Variants in NKIRAS2 observed in about 807,000 individuals in gnomAD.
NKIRAS2 encodes the protein NF-kappa-B inhibitor-interacting Ras-like protein 2.
NKIRAS2 carries 15 observed loss-of-function variants against 20.7 expected under a neutral mutation model. The ratio of observed to expected loss-of-function variants is 0.73; its 90% CI spans 0.49 to 1.12. The LOEUF is 1.12. Among genes scored for constraint, NKIRAS2 ranks in the 50% most tolerant of loss-of-function variants. The pLI is 0.00. For missense variants in NKIRAS2, 196 were observed against 249.6 expected (o/e 0.79, Z 1.45); for synonymous variants, 116 against 101.4 (o/e 1.14, Z -0.87).
chr17:42,018,432 A>G (rs2052364885), upstream of NKIRAS2: 1 of 152,170 alleles, frequency 6.6e-6, no homozygotes, highest in South Asian at 2.1e-4. Context: ...TTTTAAAAGG[A>G]TTTACCTGTT....
upstream of NKIRAS2, among the ~76,000 whole-genome samples, chr17:42,019,010 C>A: frequency 6.6e-6 from 1 of 152,244 alleles, no homozygotes; most frequent in East Asian, 1.9e-4. Flanking sequence ...CATTCTCACT[C>A]TTGGCTTCCA....
At position 42,022,582 on chromosome 17, in the gene NKIRAS2, CTT is replaced by C. The variant is rs2052482653; in HGVS notation, c.281_282del (p.Phe94SerfsTer11). ...GTCTATAGCACAGATAGCAGAGAGT[CTT>C]TTCAGCGTGTGGAGCTGCTCAAGAA... On this transcript the variant is annotated frameshift_variant, in exon 3 of 4. Coordinates refer to ENST00000393885, the MANE Select transcript of NKIRAS2 (RefSeq NM_017595.6). LOFTEE classifies it high-confidence loss of function. The C allele has an allele frequency of 6.2e-6, 10 of 1,614,082 alleles. No individual in the cohort carries two copies. Among genetic ancestry groups the C allele is most frequent in the Non-Finnish European group, 8.5e-6 (10 of 1,180,000 alleles).
intron 3 of NKIRAS2, among the ~76,000 whole-genome samples, chr17:42,023,448 T>G (rs1310454808): frequency 1.3e-5 from 2 of 152,146 alleles, no homozygotes; most frequent in Admixed American, 1.3e-4. Flanking sequence ...AAAGGAGGGC[T>G]AGATGGAGGC....
In NKIRAS2 at chr17:42,022,501, G is replaced by A. The variant is rs374663497; in HGVS notation, c.197G>A (p.Arg66Gln). 5.6e-6 allele frequency: 9 copies of A among 1,613,956 alleles called. No individual in the cohort carries two copies. The highest frequency in any genetic ancestry group is 5.9e-6 in the Non-Finnish European group (7 of 1,179,952). The change falls in exon 3 of 4, where the codon CGA becomes CAA. Residue 66 changes from arginine (R) to glutamine (Q), a missense_variant. Transcript: ENST00000393885. ...QVRFYDTRGL[R>Q]DGAELPRHCF... ...CGTTTCTATGACACCCGGGGGCTCC[G>A]AGATGGGGCCGAACTGCCCCGACAC... is the stretch of plus-strand genomic sequence containing the variant.
intron 1 of NKIRAS2, chr17:42,020,834 C>T (rs2052427471): frequency 6.6e-6 from 1 of 152,312 alleles, no homozygotes; most frequent in South Asian, 2.1e-4. Flanking sequence ...CTCCTGGATT[C>T]AAGCGATTCT....
chr17:42,019,131 G>T (rs1163186039), upstream of NKIRAS2, among the ~76,000 whole-genome samples: 1 of 152,058 alleles, frequency 6.6e-6, no homozygotes, highest in Non-Finnish European at 1.5e-5. Flanking sequence ...GAATAGGCTG[G>T]GTGTGGTGGC....
intron 3 of NKIRAS2, 48 bp downstream of exon 3, chr17:42,022,688 G>A: frequency 6.3e-7 from 1 of 1,575,164 alleles, no homozygotes. Context: ...CAGAGAGTTT[G>A]GGCGGAGGGC....
upstream of NKIRAS2, chr17:42,017,719 A>T (rs940348642): frequency 1.4e-5 from 7 of 506,694 alleles, no homozygotes; most frequent in South Asian, 1.3e-4. Context: ...GTATTCCAAG[A>T]GCCTCATTGC....
At chr17:42,023,450 G>A (rs1231570753) in intron 3 of NKIRAS2, among the ~76,000 whole-genome samples, 1 of 152,220 alleles carries the variant, frequency 6.6e-6, no homozygotes, top group Non-Finnish European at 1.5e-5. Context: ...AGGAGGGCTA[G>A]ATGGAGGCCA....
intron 2 of NKIRAS2, 178 bp from the exon 3 acceptor site, chr17:42,022,221 G>A (rs116405714): frequency 3.0e-6 from 2 of 656,360 alleles, no homozygotes; most frequent in African/African-American, 1.8e-5. Flanking sequence ...AAAAAAGAAA[G>A]AAATTAATGT....
In NKIRAS2 at chr17:42,022,993, TTTTGTTTGTTTG is replaced by T. The variant is rs34613358; in HGVS notation, c.336+370_336+381del. The T allele has an allele frequency of 6.8e-4, 195 of 287,990 alleles. 4 individuals are homozygous for T. Among genetic ancestry groups the T allele is most frequent in the South Asian group, 6.1e-3 (192 of 31,424 alleles). The allele number at this position is 287,990 out of a possible 1,614,324, so 17.8% of individuals were successfully genotyped here. On this transcript the variant is annotated intron_variant, in intron 3 of 3. Coordinates refer to ENST00000393885, the MANE Select transcript of NKIRAS2 (RefSeq NM_017595.6). ...GTGCTTTTAGCTATGAAAGCCCTTCTTTTGTTTGTTTGTTTGTTTGTTTGTTTGAGACAGGGT... is the reference window on the plus strand; with the variant it reads ...GTGCTTTTAGCTATGAAAGCCCTTCTTTTGTTTGTTTGTTTGAGACAGGGT...
At chr17:42,017,906 C>T (rs1555652274), upstream of NKIRAS2, among the ~76,000 whole-genome samples, 1 of 152,118 alleles carries the variant, frequency 6.6e-6, no homozygotes, top group African/African-American at 2.4e-5. Context: ...GAGCTCAGTT[C>T]CCCCAGCTTT....
chr17:42,021,697 C>T, intron 2 of NKIRAS2, 26 bp downstream of exon 2: 2 of 1,590,738 alleles, frequency 1.3e-6, no homozygotes, highest in Non-Finnish European at 1.7e-6. Flanking sequence ...GGGGGAGGAA[C>T]AGTGGAAGAA....
At position 42,021,974 on chromosome 17, in the gene NKIRAS2, C is replaced by T. The variant is rs1281822146; in HGVS notation, c.94+303C>T. On this transcript the variant is annotated intron_variant, in intron 2 of 3. Coordinates refer to ENST00000393885, the MANE Select transcript of NKIRAS2 (RefSeq NM_017595.6). Reference sequence around the variant, plus strand: ...CCTGTAATCCGAGCACTTTGGGAGGCTGAGGCGGGTGGATCACCTCAGGTC... The same window carrying T: ...CCTGTAATCCGAGCACTTTGGGAGGTTGAGGCGGGTGGATCACCTCAGGTC... 8 of 591,904 alleles carry T rather than the reference C, an allele frequency of 1.4e-5. No individual in the cohort carries two copies. The Admixed American group carries it at 1.5e-4, about 11-fold the overall frequency. The allele number at this position is 591,904 out of a possible 1,614,324, so 36.7% of individuals were successfully genotyped here. A position where few individuals can be genotyped will look rare whatever the true frequency, so the allele number is the denominator to read the frequency against.
At chr17:42,017,675 C>A, upstream of NKIRAS2, 1 of 577,222 alleles carries the variant, frequency 1.7e-6, no homozygotes, top group South Asian at 2.0e-5. Context: ...CGGGGTGTAC[C>A]GGTGGTAGCC....
chr17:42,017,834 G>C (rs1305697385), upstream of NKIRAS2, among the ~76,000 whole-genome samples: 1 of 152,196 alleles, frequency 6.6e-6, no homozygotes, highest in African/African-American at 2.4e-5. Flanking sequence ...AGTCCCCACT[G>C]CTACCTTTCC....
rs149478678 is a variant in NKIRAS2, at chr17:42,023,887, T to C, written c.570T>C (p.Asp190=). 3.0e-5 allele frequency: 49 copies of C among 1,614,072 alleles called. No homozygotes were observed. The highest frequency in any genetic ancestry group is 1.6e-4 in the Middle Eastern group (1 of 6,062). The part of the protein sequence containing the change: ...SRKNKGSGSL[D]G ...AGAACAAGGGCAGCGGCTCCTTGGA[T>C]GGCTGAAGAGCTGCCGTTCCTCTTT... Residue 190 remains aspartate (D), a synonymous_variant, in exon 4 of 4, where the codon GAT becomes GAC. Coordinates refer to ENST00000393885, the MANE Select transcript of NKIRAS2 (RefSeq NM_017595.6).
At chr17:42,022,846 A>G (rs1162616978) in intron 3 of NKIRAS2, among the ~76,000 whole-genome samples, 1 of 152,114 alleles carries the variant, frequency 6.6e-6, no homozygotes, top group Non-Finnish European at 1.5e-5. Flanking sequence ...TTGTGGTTTA[A>G]GGGGTCCCTG....
Position 42,023,957 on chromosome 17 carries a change from G to C in NKIRAS2, c.*64G>C. On this transcript the variant is annotated 3_prime_UTR_variant, in exon 4 of 4. Coordinates refer to ENST00000393885, the MANE Select transcript of NKIRAS2 (RefSeq NM_017595.6). The stretch of plus-strand genomic sequence containing the variant: ...CAGTGTCTGGGGCTCTGGTAGATGT[G>C]TTGAGGGCAAAGTAGAGGACAAGCT... 6.3e-7 allele frequency: 1 copy of C among 1,582,772 alleles called. No homozygotes were observed. Among genetic ancestry groups the C allele is most frequent in the South Asian group, 1.2e-5 (1 of 85,576 alleles).
Sources: allele counts gnomAD v4.1 joint callset (sites outside exome capture counted in the v4.1 genomes callset), GRCh38; gene constraint gnomAD v4.1.1; transcripts MANE v1.5; gene names NCBI Gene and HGNC (gene_info 2026-07-23, HGNC 2026-07-21).